PCDHGB2: variants seen among roughly 807,000 people sequenced by gnomAD.
The protein encoded by PCDHGB2 is protocadherin gamma subfamily B, 2, also known as protocadherin gamma-B2.
PCDHGB2 carries 55 observed loss-of-function variants against 59.3 expected under a neutral mutation model. That is an observed-to-expected ratio of 0.93 (90% CI 0.75 to 1.16). The LOEUF (loss-of-function observed/expected upper bound fraction) is 1.16, where lower values mean the gene tolerates loss of function less well. PCDHGB2 is among the 50% of genes most tolerant of loss of function. PCDHGB2 has a pLI of 0.00. For synonymous variants in PCDHGB2, 516 were observed against 512.0 expected (o/e 1.01, Z -0.11); for missense variants, 1,228 against 1,198.5 (o/e 1.02, Z -0.36).
At chr5:141,404,580 G>C (rs769739876) in intron 1 of PCDHGB2, 2 of 1,613,866 alleles carry the variant, frequency 1.2e-6, no homozygotes, top group Non-Finnish European at 1.7e-6. Context: ...CCACCACTTA[G>C]CAGCAATGTG....
At position 141,491,168 on chromosome 5, in the gene PCDHGB2, A is replaced by T. The variant is rs1293664414; in HGVS notation, c.2422-3639A>T. On this transcript the variant is annotated intron_variant, in intron 1 of 3. Transcript: ENST00000522605. This position sits in a 1 kb window ranked among gnomAD's most constrained non-coding sequence, Gnocchi z 6.9. ...CTGGAGGATGACTCTGACACCCAGC[A>T]GGTGGTGGTCCTGGTGAGGGACAAT... 3.1e-6 allele frequency: 5 copies of T among 1,614,160 alleles called. No individual in the cohort carries two copies. The highest frequency in any genetic ancestry group is 4.2e-6 in the Non-Finnish European group (5 of 1,179,988).
chr5:141,430,881 A>G, intron 1 of PCDHGB2: 4 of 1,600,896 alleles, frequency 2.5e-6, no homozygotes, highest in Non-Finnish European at 3.4e-6. Flanking sequence ...GAGCTGGAGA[A>G]AGGCTCTAGG....
At position 141,511,983 on chromosome 5, in the gene PCDHGB2, G is replaced by A. The variant is rs904146751; in HGVS notation, c.*810G>A. 6.5e-6 allele frequency: 1 copy of A among 153,280 alleles called. No homozygotes were observed. The highest frequency in any genetic ancestry group is 1.5e-5 in the Non-Finnish European group (1 of 68,572). The allele number at this position is 153,280 out of a possible 1,614,324, so 9.5% of individuals were successfully genotyped here. A position where few individuals can be genotyped will look rare whatever the true frequency, so the allele number is the denominator to read the frequency against. ...AGGGAAGTGTGTGGATGTGGATGGT[G>A]GGGGCATGGACAAAGCTTGACACAT... On this transcript the variant is annotated 3_prime_UTR_variant, in exon 4 of 4. Coordinates refer to ENST00000522605, the MANE Select transcript of PCDHGB2 (RefSeq NM_018923.3).
chr5:141,494,906 A>T, intron 2 of PCDHGB2, 41 bp downstream of exon 2: 1 of 1,613,800 alleles, frequency 6.2e-7, no homozygotes, highest in Non-Finnish European at 8.5e-7. Flanking sequence ...TCTCTGCGGC[A>T]TTTTCTCAGG....
At position 141,511,855 on chromosome 5, in the gene PCDHGB2, ATTGT is replaced by A. The variant is rs2099883980; in HGVS notation, c.*686_*689del. ...GGACCAGTCTTCTGTTTTGTTTTTCATTGTTTGACGTTTCCACTGCATGCCTTGA... is the reference window on the plus strand; with the variant it reads ...GGACCAGTCTTCTGTTTTGTTTTTCATTGACGTTTCCACTGCATGCCTTGA... On this transcript the variant is annotated 3_prime_UTR_variant, in exon 4 of 4. Coordinates refer to ENST00000522605, the MANE Select transcript of PCDHGB2 (RefSeq NM_018923.3). 1 of 156,316 alleles carries A rather than the reference ATTGT, an allele frequency of 6.4e-6. No individual in the cohort carries two copies. Among genetic ancestry groups the A allele is most frequent in the South Asian group, 2.0e-4 (1 of 5,082 alleles). The allele number at this position is 156,316 out of a possible 1,614,324, so 9.7% of individuals were successfully genotyped here.
chr5:141,361,243 A>G lies in PCDHGB2; in HGVS notation c.1108A>G (p.Lys370Glu). Residue 370 changes from lysine (K) to glutamate (E), a missense_variant, in exon 1 of 4, where the codon AAA becomes GAA. Physicochemically the swap from Lys to Glu is moderately conservative, Grantham distance 56 (BLOSUM62 1). Around this residue, in one of 3 missense-constraint regions of PCDHGB2, gnomAD observed 781 missense variants for 721.6 expected, o/e 1.08. Coordinates refer to ENST00000522605, the MANE Select transcript of PCDHGB2 (RefSeq NM_018923.3). The stretch of plus-strand genomic sequence containing the variant: ...ACCAGGAACAGTGATCGCCTTGATA[A>G]AAACGAGAGACAGAGACTCTGGAGA... ...SPPGTVIALI[K>E]TRDRDSGENG... 2 of 1,614,012 alleles carry G rather than the reference A, an allele frequency of 1.2e-6. No homozygotes were observed. Among genetic ancestry groups the G allele is most frequent in the Non-Finnish European group, 1.7e-6 (2 of 1,179,886 alleles).
chr5:141,506,459 A>G (rs1159808052), intron 3 of PCDHGB2, among the ~76,000 whole-genome samples: 4 of 151,918 alleles, frequency 2.6e-5, no homozygotes, highest in Non-Finnish European at 4.4e-5. Context: ...AAAAAAAAAA[A>G]AAAAAAGAGC....
intron 1 of PCDHGB2, chr5:141,395,542 TTGTGTGTGTGTGTGTGTG>T (rs55729045): frequency 3.2e-4 from 55 of 172,630 alleles, no homozygotes; most frequent in Middle Eastern, 1.8e-3. Context: ...TTGCTATTGT[TTGTGTGTGTGTGTGTGTG>T]TGTGTGTGTG....
chr5:141,468,339 A>G (rs1320544911), intron 1 of PCDHGB2: 2 of 151,348 alleles, frequency 1.3e-5, no homozygotes, highest in Non-Finnish European at 2.9e-5. Context: ...TCAAAAAAAA[A>G]AAAAAAAAAA....
intron 1 of PCDHGB2, among the ~76,000 whole-genome samples, chr5:141,456,917 C>G (rs1005360691): frequency 2.6e-5 from 4 of 152,032 alleles, no homozygotes; most frequent in Non-Finnish European, 5.9e-5. Context: ...GAGCCGAGAT[C>G]GCACCACTGC....
chr5:141,500,989 C>T (rs779352768), intron 2 of PCDHGB2, among the ~76,000 whole-genome samples: 1 of 152,040 alleles, frequency 6.6e-6, no homozygotes, highest in Non-Finnish European at 1.5e-5. Context: ...CTGCCTCAGC[C>T]TCCTGAGTAG....
chr5:141,459,232 G>C (rs1293027771), intron 1 of PCDHGB2, among the ~76,000 whole-genome samples: 1 of 152,152 alleles, frequency 6.6e-6, no homozygotes, highest in Non-Finnish European at 1.5e-5. Context: ...GCAACAACTG[G>C]TCTGCTTCCT....
chr5:141,450,052 G>C (rs2098667259), intron 1 of PCDHGB2, among the ~76,000 whole-genome samples: 1 of 141,832 alleles, frequency 7.1e-6, no homozygotes, highest in African/African-American at 2.7e-5. Flanking sequence ...TTTCGCCCAG[G>C]CTGGAATGCA....
At position 141,486,418 on chromosome 5, in the gene PCDHGB2, A is replaced by G. The variant is rs1174910867; in HGVS notation, c.2422-8389A>G. On this transcript the variant is annotated intron_variant, in intron 1 of 3. Transcript: ENST00000522605. This position sits in a 1 kb window ranked among gnomAD's most constrained non-coding sequence, Gnocchi z 5.0. ...TGGTGACTGCTGGACCCTTGGATCG[A>G]GAGGCCAAATCTAGCTATGACATCA... is the stretch of plus-strand genomic sequence containing the variant. The G allele has an allele frequency of 3.7e-6, 6 of 1,614,176 alleles. No individual in the cohort carries two copies. Among genetic ancestry groups the G allele is most frequent in the Non-Finnish European group, 5.1e-6 (6 of 1,180,020 alleles).
chr5:141,383,405 G>C (rs189408749), intron 1 of PCDHGB2: 11 of 1,613,898 alleles, frequency 6.8e-6, no homozygotes, highest in Non-Finnish European at 8.5e-6. Context: ...TCCCTCCAGA[G>C]TTACCAGCTC....
intron 1 of PCDHGB2, chr5:141,420,076 TCCC>T: frequency 1.9e-6 from 3 of 1,613,956 alleles, no homozygotes; most frequent in Non-Finnish European, 2.5e-6. Context: ...GACCTGTGGG[TCCC>T]CCCAACTACA....
intron 1 of PCDHGB2, among the ~76,000 whole-genome samples, chr5:141,437,364 T>C (rs1026384836): frequency 6.6e-6 from 1 of 152,232 alleles, no homozygotes; most frequent in African/African-American, 2.4e-5. Flanking sequence ...AAAATTGGAA[T>C]GTAATCAGTC....
At chr5:141,364,173 G>T (rs2149854430) in intron 1 of PCDHGB2, 2 of 806,624 alleles carry the variant, frequency 2.5e-6, no homozygotes, top group Non-Finnish European at 3.6e-6. Context: ...ACCCGACTCT[G>T]CTCCCTCCAT....
chr5:141,389,560 G>C (rs1323439261), intron 1 of PCDHGB2: 2 of 1,613,106 alleles, frequency 1.2e-6, no homozygotes, highest in South Asian at 1.1e-5. Context: ...AATGCGCCAC[G>C]GGTGCTGTAC....
Sources: allele counts gnomAD v4.1 joint callset (sites outside exome capture counted in the v4.1 genomes callset), GRCh38; gene constraint gnomAD v4.1.1; regional missense constraint gnomAD v4.1.1; non-coding constraint Gnocchi (gnomAD v3.1); transcripts MANE v1.5; gene names NCBI Gene and HGNC (gene_info 2026-07-23, HGNC 2026-07-21).